KIF6: variants seen among roughly 807,000 people sequenced by gnomAD.
The protein encoded by KIF6 is kinesin-like protein KIF6.
In KIF6, 106 loss-of-function variants were observed where a neutral mutation model predicts 112.7. That is an observed-to-expected ratio of 0.94 (90% CI 0.80 to 1.11). The LOEUF (loss-of-function observed/expected upper bound fraction) is 1.11, where lower values mean the gene tolerates loss of function less well. KIF6 is among the 50% of genes least tolerant of loss of function. KIF6 has a pLI of 0.00. For missense variants in KIF6, 929 were observed against 964.0 expected (o/e 0.96, Z 0.48); for synonymous variants, 339 against 339.9 (o/e 1.00, Z 0.03).
intron 15 of KIF6, among the ~76,000 whole-genome samples, chr6:39,388,277 A>G (rs2150318221): frequency 7.0e-6 from 1 of 142,330 alleles, no homozygotes; most frequent in South Asian, 2.1e-4. Context: ...CCAAACCCTA[A>G]GGAAGTATTT....
At chr6:39,358,352 T>C (rs1268802930) in intron 18 of KIF6, among the ~76,000 whole-genome samples, 1 of 152,240 alleles carries the variant, frequency 6.6e-6, no homozygotes, top group Non-Finnish European at 1.5e-5. Context: ...CTGCAGGCTA[T>C]AGAACTGCTC....
chr6:39,635,484 G>C (rs17593922), intron 4 of KIF6, among the ~76,000 whole-genome samples: 10,511 of 152,024 alleles, frequency 0.069, 412 homozygotes, highest in Middle Eastern at 0.11. Context: ...ACATCCAGAG[G>C]ACAGAAAATA....
chr6:39,486,186 C>T (rs969888530), intron 13 of KIF6, among the ~76,000 whole-genome samples: 1 of 152,236 alleles, frequency 6.6e-6, no homozygotes, highest in Non-Finnish European at 1.5e-5. Flanking sequence ...GGAAGTATCA[C>T]TATGCCAGTT....
chr6:39,701,046 A>G (rs1335255754), intron 3 of KIF6, among the ~76,000 whole-genome samples: 3 of 152,188 alleles, frequency 2.0e-5, no homozygotes, highest in Non-Finnish European at 4.4e-5. Flanking sequence ...TTGCCTTACA[A>G]AGTTGCAGCA....
chr6:39,527,044 C>T (rs1177587755), intron 13 of KIF6, among the ~76,000 whole-genome samples: 2 of 152,176 alleles, frequency 1.3e-5, no homozygotes, highest in African/African-American at 4.8e-5. Flanking sequence ...TCTTTTAAAC[C>T]TGTTAGAGGA....
intron 3 of KIF6, among the ~76,000 whole-genome samples, chr6:39,710,109 A>G (rs1277437408): frequency 3.3e-5 from 5 of 152,232 alleles, no homozygotes; most frequent in African/African-American, 1.2e-4. Flanking sequence ...TCTCCTACAG[A>G]GATGAATGAG....
At chr6:39,702,297 T>G (rs1472747350) in intron 3 of KIF6, among the ~76,000 whole-genome samples, 1 of 152,158 alleles carries the variant, frequency 6.6e-6, no homozygotes, top group Non-Finnish European at 1.5e-5. Context: ...CCCAGCTCAT[T>G]TCTATTTGGG....
At chr6:39,431,687 G>A (rs1240209229) in intron 13 of KIF6, among the ~76,000 whole-genome samples, 1 of 152,140 alleles carries the variant, frequency 6.6e-6, no homozygotes, top group African/African-American at 2.4e-5. Flanking sequence ...CAGGAGTTAG[G>A]TCCTCAGTTA....
chr6:39,488,225 G>T (rs1276420142), intron 13 of KIF6, among the ~76,000 whole-genome samples: 1 of 152,230 alleles, frequency 6.6e-6, no homozygotes, highest in Non-Finnish European at 1.5e-5. Flanking sequence ...TCTAGGAGAA[G>T]TAATGCTTAA....
At chr6:39,692,849 G>C (rs929463355) in intron 3 of KIF6, among the ~76,000 whole-genome samples, 2 of 151,702 alleles carry the variant, frequency 1.3e-5, no homozygotes, top group Non-Finnish European at 2.9e-5. Context: ...TTTTTCATTA[G>C]AGAAGAGTAT....
rs939180431 is a variant in KIF6, at chr6:39,342,187, C to T, written c.2428+1522G>A. Among the ~76,000 whole-genome samples the T allele has an allele frequency of 8.5e-5, 13 of 152,164 alleles. No homozygotes were observed. Among genetic ancestry groups the T allele is most frequent in the African/African-American group, 2.2e-4 (9 of 41,430 alleles). ...GCTAGGACTGTGCATTCCCAGAACG[C>T]GGCGTAGCTGCTCCATTCTCATGAT... On this transcript the variant is annotated intron_variant, in intron 22 of 22. Coordinates refer to ENST00000287152, the MANE Select transcript of KIF6 (RefSeq NM_145027.6). The surrounding 1 kb of genome is among the most constrained non-coding windows in gnomAD (Gnocchi z 4.7).
intron 5 of KIF6, chr6:39,620,405 C>T (rs1014560659): frequency 6.6e-6 from 1 of 152,188 alleles, no homozygotes; most frequent in Admixed American, 6.5e-5. Context: ...ATAGATACAT[C>T]TAGAGGCAAT....
chr6:39,568,742 G>A (rs1249539950), intron 10 of KIF6, among the ~76,000 whole-genome samples: 2 of 151,854 alleles, frequency 1.3e-5, no homozygotes. Context: ...GTAGAGATGG[G>A]GTTTCACCAT....
At chr6:39,687,449 G>A (rs1787941239) in intron 3 of KIF6, among the ~76,000 whole-genome samples, 2 of 152,132 alleles carry the variant, frequency 1.3e-5, no homozygotes, top group Non-Finnish European at 2.9e-5. Context: ...TCTCTAAAAG[G>A]TCTGAAAGTA....
intron 13 of KIF6, among the ~76,000 whole-genome samples, chr6:39,514,456 C>A (rs1318229635): frequency 6.6e-6 from 1 of 152,136 alleles, no homozygotes; most frequent in Non-Finnish European, 1.5e-5. Context: ...GTCAGAAAAA[C>A]CTCTTTAATG....
At chr6:39,484,942 C>T (rs755727902) in intron 13 of KIF6, among the ~76,000 whole-genome samples, 7 of 152,208 alleles carry the variant, frequency 4.6e-5, no homozygotes, top group Non-Finnish European at 8.8e-5. Context: ...GCCCTCTCCT[C>T]TGGATTCTGG....
chr6:39,646,335 T>C (rs1785172296), intron 3 of KIF6, among the ~76,000 whole-genome samples: 1 of 151,744 alleles, frequency 6.6e-6, no homozygotes, highest in Admixed American at 6.6e-5. Context: ...AAACAAAATA[T>C]AGTAATAGGA....
intron 13 of KIF6, among the ~76,000 whole-genome samples, chr6:39,477,510 T>C (rs112391932): frequency 6.6e-6 from 1 of 152,184 alleles, no homozygotes; most frequent in Non-Finnish European, 1.5e-5. Flanking sequence ...CTCTGCATAA[T>C]GGAATACTAT....
At chr6:39,524,892 A>G (rs934722962) in intron 13 of KIF6, among the ~76,000 whole-genome samples, 4 of 152,184 alleles carry the variant, frequency 2.6e-5, no homozygotes, top group African/African-American at 9.7e-5. Flanking sequence ...GGGAAATGCA[A>G]CCTGAGCTCA....
Sources: allele counts gnomAD v4.1 joint callset (sites outside exome capture counted in the v4.1 genomes callset), GRCh38; gene constraint gnomAD v4.1.1; non-coding constraint Gnocchi (gnomAD v3.1); transcripts MANE v1.5; gene names NCBI Gene and HGNC (gene_info 2026-07-23, HGNC 2026-07-21).